Variants in GALNT10 observed in about 807,000 individuals in gnomAD.
GALNT10 encodes GalNAc transferase 10.
Under a neutral mutation model 75.0 loss-of-function variants are expected in GALNT10, and 41 were observed. That is an observed-to-expected ratio of 0.55 (90% CI 0.43 to 0.71). The LOEUF (loss-of-function observed/expected upper bound fraction) is 0.71. Among genes scored for constraint, GALNT10 ranks in the 30% least tolerant of loss-of-function variants. The pLI is 0.00. For synonymous variants in GALNT10, 302 were observed against 313.0 expected (o/e 0.96, Z 0.37); for missense variants, 727 against 818.5 (o/e 0.89, Z 1.36).
intron 3 of GALNT10, 28 bp from the exon 4 acceptor site, chr5:154,329,544 C>T (rs749666569): frequency 1.2e-5 from 19 of 1,599,648 alleles, no homozygotes; most frequent in Non-Finnish European, 1.5e-5. Context: ...TGACCCTGTC[C>T]TCTGCCTCCC....
At chr5:154,284,208 C>G (rs1754081408) in intron 1 of GALNT10, among the ~76,000 whole-genome samples, 1 of 152,138 alleles carries the variant, frequency 6.6e-6, no homozygotes, top group African/African-American at 2.4e-5. Flanking sequence ...TATTAATTTC[C>G]CCCATTTTAC....
chr5:154,229,175 A>G (rs1753109157), intron 1 of GALNT10, among the ~76,000 whole-genome samples: 1 of 152,146 alleles, frequency 6.6e-6, no homozygotes, highest in African/African-American at 2.4e-5. Context: ...TACTTTTCCT[A>G]TATTGGTCGT....
At chr5:154,369,726 A>C (rs936179826) in intron 4 of GALNT10, among the ~76,000 whole-genome samples, 1 of 152,282 alleles carries the variant, frequency 6.6e-6, no homozygotes, top group Middle Eastern at 3.4e-3. Context: ...ATTTGACAAG[A>C]CCCGGGACAC....
intron 1 of GALNT10, among the ~76,000 whole-genome samples, chr5:154,279,373 G>A (rs558109997): frequency 4.4e-4 from 65 of 147,402 alleles, no homozygotes; most frequent in African/African-American, 1.3e-3. Flanking sequence ...GCACGATCTC[G>A]GCTCACCACA....
chr5:154,195,683 C>T (rs183456581), intron 1 of GALNT10, among the ~76,000 whole-genome samples: 6 of 152,300 alleles, frequency 3.9e-5, no homozygotes, highest in East Asian at 1.9e-4. Flanking sequence ...TAGGGAGGAA[C>T]GCAGATCAGA....
chr5:154,370,101 C>T (rs927609791), intron 4 of GALNT10, among the ~76,000 whole-genome samples: 1 of 152,238 alleles, frequency 6.6e-6, no homozygotes, highest in Non-Finnish European at 1.5e-5. Flanking sequence ...CTATCTTCAG[C>T]ACATAACTTG....
At chr5:154,319,712 G>A (rs1170285639) in intron 3 of GALNT10, among the ~76,000 whole-genome samples, 1 of 152,194 alleles carries the variant, frequency 6.6e-6, no homozygotes, top group Non-Finnish European at 1.5e-5. Flanking sequence ...CTTTCCCTGT[G>A]GCTCCTTTCT....
chr5:154,210,232 A>G (rs1164790043), intron 1 of GALNT10, among the ~76,000 whole-genome samples: 1 of 152,074 alleles, frequency 6.6e-6, no homozygotes, highest in East Asian at 1.9e-4. Flanking sequence ...TCTGCCCTCC[A>G]ACGACTCTGA....
chr5:154,261,947 T>C (rs1753704181), intron 1 of GALNT10, among the ~76,000 whole-genome samples: 1 of 152,170 alleles, frequency 6.6e-6, no homozygotes, highest in East Asian at 1.9e-4. Context: ...TGATAACATC[T>C]ATCTGCCCTA....
chr5:154,366,481 G>A (rs1184994130), intron 4 of GALNT10, among the ~76,000 whole-genome samples: 1 of 152,156 alleles, frequency 6.6e-6, no homozygotes, highest in African/African-American at 2.4e-5. Flanking sequence ...TGAATTAGAG[G>A]GTGAGTGAGT....
intron 1 of GALNT10, among the ~76,000 whole-genome samples, chr5:154,217,213 A>T (rs1187254086): frequency 3.3e-5 from 5 of 151,570 alleles, no homozygotes; most frequent in African/African-American, 9.7e-5. Context: ...GTCTGGGTAG[A>T]CCTCTCTGAC....
chr5:154,224,778 CTTTTTTTTTTTT>C (rs549615789), intron 1 of GALNT10, among the ~76,000 whole-genome samples: 1 of 117,586 alleles, frequency 8.5e-6, no homozygotes, highest in African/African-American at 3.1e-5. Context: ...AAGCTCACTT[CTTTTTTTTTTTT>C]TTTTTTTTGA....
intron 4 of GALNT10, among the ~76,000 whole-genome samples, chr5:154,348,524 G>T (rs1469965875): frequency 6.6e-6 from 1 of 152,130 alleles, no homozygotes; most frequent in East Asian, 1.9e-4. Flanking sequence ...GGGAATTATT[G>T]TTTTTCCTCC....
At chr5:154,386,465 C>A in intron 7 of GALNT10, 35 bp downstream of exon 7, 1 of 1,333,696 alleles carries the variant, frequency 7.5e-7, no homozygotes, top group Non-Finnish European at 1.1e-6. Flanking sequence ...GTTCTTGGCA[C>A]AGCCTCCTGA....
chr5:154,231,572 C>G (rs1453671881), intron 1 of GALNT10, among the ~76,000 whole-genome samples: 3 of 152,180 alleles, frequency 2.0e-5, no homozygotes, highest in Non-Finnish European at 4.4e-5. Context: ...ACCCCTGTCT[C>G]AGCCCTCTTT....
chr5:154,411,477 T>C (rs151326284), intron 9 of GALNT10, among the ~76,000 whole-genome samples: 94 of 152,300 alleles, frequency 6.2e-4, no homozygotes, highest in African/African-American at 1.3e-3. Context: ...AAGGGTAGGA[T>C]GGACACTACG....
intron 3 of GALNT10, among the ~76,000 whole-genome samples, chr5:154,321,935 A>C (rs1170682275): frequency 6.6e-6 from 1 of 152,200 alleles, no homozygotes; most frequent in African/African-American, 2.4e-5. Context: ...GGAATCTTCC[A>C]CTTTTTAAAT....
chr5:154,206,725 C>T (rs532273708), intron 1 of GALNT10, among the ~76,000 whole-genome samples: 12 of 152,336 alleles, frequency 7.9e-5, no homozygotes, highest in South Asian at 2.1e-4. Context: ...TGAAACTTCA[C>T]GTGTCTGTTA....
intron 1 of GALNT10, among the ~76,000 whole-genome samples, chr5:154,217,350 C>T (rs10064688): frequency 0.012 from 1,892 of 152,258 alleles, 32 homozygotes; most frequent in African/African-American, 0.044. Flanking sequence ...AGATCACGCT[C>T]CTCTTGTGGA....
Sources: gnomAD v4.1 joint callset for allele counts (sites outside exome capture counted in the v4.1 genomes callset) on GRCh38, gnomAD v4.1.1 for gene constraint, MANE v1.5 for transcripts, NCBI Gene and HGNC (gene_info 2026-07-23, HGNC 2026-07-21) for gene names.